The following PTPRD variants were observed in gnomAD, a reference collection of about 807,000 sequenced individuals.
PTPRD encodes the protein receptor-type tyrosine-protein phosphatase delta.
In PTPRD, 34 loss-of-function variants were observed where a neutral mutation model predicts 214.5. The ratio of observed to expected loss-of-function variants is 0.16; its 90% CI spans 0.12 to 0.21. The LOEUF is 0.21. Ranked by LOEUF, PTPRD falls within the 10% of genes least tolerant of loss-of-function variation. PTPRD has a pLI of 1.00. For synonymous variants in PTPRD, 1,128 were observed against 845.7 expected, an observed-to-expected ratio of 1.33 and a Z score of -5.79; for missense variants, 2,545 against 2,398.7, an observed-to-expected ratio of 1.06 and a Z score of -1.27.
chr9:8,514,312 T>C (rs1156386050), intron 21 of PTPRD, among the ~76,000 whole-genome samples: 1 of 152,176 alleles, frequency 6.6e-6, no homozygotes, highest in Non-Finnish European at 1.5e-5. Flanking sequence ...TTTGGTTGGA[T>C]TAGGTTTAGG....
intron 11 of PTPRD, among the ~76,000 whole-genome samples, chr9:8,735,347 T>C (rs747356267): frequency 1.3e-5 from 2 of 151,646 alleles, no homozygotes; most frequent in Non-Finnish European, 2.9e-5. Context: ...TTTCACCATG[T>C]TAACCAAGCT....
intron 10 of PTPRD, among the ~76,000 whole-genome samples, chr9:9,071,616 C>T (rs2099743863): frequency 6.6e-6 from 1 of 152,148 alleles, no homozygotes; most frequent in Non-Finnish European, 1.5e-5. Flanking sequence ...CTTTCATCCA[C>T]ACAGACCAAA....
intron 11 of PTPRD, among the ~76,000 whole-genome samples, chr9:8,850,629 C>T (rs1213293003): frequency 6.6e-6 from 1 of 152,062 alleles, no homozygotes; most frequent in Non-Finnish European, 1.5e-5. Flanking sequence ...ACAAACTACT[C>T]TTATTTCTAG....
chr9:9,016,435 G>A (rs2099535500), intron 11 of PTPRD, among the ~76,000 whole-genome samples: 1 of 152,064 alleles, frequency 6.6e-6, no homozygotes, highest in Non-Finnish European at 1.5e-5. Context: ...CAAAAATGGG[G>A]ACAAACAGAT....
intron 11 of PTPRD, among the ~76,000 whole-genome samples, chr9:8,855,922 C>A (rs2097906852): frequency 6.6e-6 from 1 of 152,036 alleles, no homozygotes; most frequent in African/African-American, 2.4e-5. Flanking sequence ...TTTGAAAGTA[C>A]AATAATAGCT....
chr9:9,871,836 A>G (rs964406391), intron 5 of PTPRD, among the ~76,000 whole-genome samples: 3 of 152,068 alleles, frequency 2.0e-5, no homozygotes, highest in East Asian at 3.9e-4. Context: ...GCCTGGGGGG[A>G]GGGGTTGGCT....
chr9:10,496,338 T>A (rs1274282866), intron 2 of PTPRD, among the ~76,000 whole-genome samples: 2 of 151,966 alleles, frequency 1.3e-5, no homozygotes, highest in South Asian at 4.1e-4. Context: ...TTTTCGAACA[T>A]CAGGCAAAGA....
chr9:9,192,866 G>A (rs557752355), intron 9 of PTPRD, among the ~76,000 whole-genome samples: 1 of 152,052 alleles, frequency 6.6e-6, no homozygotes, highest in Non-Finnish European at 1.5e-5. Context: ...AAGCTGCAGC[G>A]TATGTTCCTC....
chr9:9,478,349 C>G (rs2095217146), intron 8 of PTPRD, among the ~76,000 whole-genome samples: 1 of 152,122 alleles, frequency 6.6e-6, no homozygotes, highest in Non-Finnish European at 1.5e-5. Flanking sequence ...GTCTTGGATT[C>G]TGACATTCTG....
At chr9:9,701,744 A>G (rs1309324993) in intron 7 of PTPRD, among the ~76,000 whole-genome samples, 10 of 152,168 alleles carry the variant, frequency 6.6e-5, no homozygotes, top group Non-Finnish European at 1.2e-4. Context: ...TGAATATGCT[A>G]TTAATACAAT....
intron 10 of PTPRD, chr9:9,090,930 CA>C: frequency 9.7e-6 from 15 of 1,549,724 alleles, no homozygotes; most frequent in Non-Finnish European, 1.2e-5. Context: ...ATGGTCGTGC[CA>C]AAAAGGGCTG....
At chr9:9,836,562 T>C (rs922035443) in intron 5 of PTPRD, among the ~76,000 whole-genome samples, 3 of 152,094 alleles carry the variant, frequency 2.0e-5, no homozygotes, top group Non-Finnish European at 4.4e-5. Context: ...GAACTTAAAA[T>C]TGTAGTTTAT....
At chr9:9,456,477 G>T (rs980615305) in intron 8 of PTPRD, among the ~76,000 whole-genome samples, 1 of 151,890 alleles carries the variant, frequency 6.6e-6, no homozygotes, top group East Asian at 1.9e-4. Context: ...TTTATTCATG[G>T]CTTCCCTGTT....
intron 11 of PTPRD, among the ~76,000 whole-genome samples, chr9:8,944,519 T>C (rs367637059): frequency 5.9e-5 from 9 of 152,200 alleles, no homozygotes; most frequent in African/African-American, 1.9e-4. Flanking sequence ...CATCGACAGA[T>C]GAATGGATAA....
chr9:10,511,966 ACGTGTGTGTG>A (rs2048302744), intron 2 of PTPRD, among the ~76,000 whole-genome samples: 2 of 58,640 alleles, frequency 3.4e-5, no homozygotes, highest in Admixed American at 1.8e-4. Context: ...ATATATATAT[ACGTGTGTGTG>A]TATATATATA....
intron 14 of PTPRD, among the ~76,000 whole-genome samples, chr9:8,628,360 A>G (rs1339842280): frequency 1.3e-5 from 2 of 151,848 alleles, no homozygotes; most frequent in Non-Finnish European, 2.9e-5. Flanking sequence ...AACTGCCATA[A>G]TGGCTTACAT....
At chr9:9,192,890 G>T (rs1462428301) in intron 9 of PTPRD, among the ~76,000 whole-genome samples, 1 of 152,006 alleles carries the variant, frequency 6.6e-6, no homozygotes, top group Admixed American at 6.6e-5. Context: ...CTAGAAAATC[G>T]CAATCATTTC....
At chr9:9,923,866 C>T (rs1017444872) in intron 5 of PTPRD, among the ~76,000 whole-genome samples, 1 of 151,700 alleles carries the variant, frequency 6.6e-6, no homozygotes, top group Non-Finnish European at 1.5e-5. Context: ...GATCTAGGAA[C>T]AAGAAGTCCA....
intron 8 of PTPRD, among the ~76,000 whole-genome samples, chr9:9,432,100 T>C (rs2083428778): frequency 6.7e-6 from 1 of 149,104 alleles, no homozygotes; most frequent in Non-Finnish European, 1.5e-5. Context: ...AAAGAAACAC[T>C]GAAACAAAGA....
Sources: gnomAD v4.1 joint callset for allele counts (sites outside exome capture counted in the v4.1 genomes callset) on GRCh38, gnomAD v4.1.1 for gene constraint, MANE v1.5 for transcripts, NCBI Gene and HGNC (gene_info 2026-07-23, HGNC 2026-07-21) for gene names.